The following NALCN variants were observed in gnomAD, a reference collection of about 807,000 sequenced individuals.
NALCN encodes sodium leak channel NALCN.
NALCN carries 111 observed loss-of-function variants against 225.3 expected under a neutral mutation model. That is an observed-to-expected ratio of 0.49 (90% CI 0.42 to 0.58). The LOEUF (loss-of-function observed/expected upper bound fraction) is 0.58. NALCN is among the 20% of genes least tolerant of loss of function. NALCN has a pLI of 0.00. For synonymous variants in NALCN, 764 were observed against 769.0 expected, an observed-to-expected ratio of 0.99 and a Z score of 0.11; for missense variants, 1,378 against 2,202.4, an observed-to-expected ratio of 0.63 and a Z score of 7.49.
intron 13 of NALCN, among the ~76,000 whole-genome samples, chr13:101,228,515 G>T (rs964554055): frequency 5.9e-5 from 9 of 152,208 alleles, no homozygotes; most frequent in African/African-American, 2.2e-4. Flanking sequence ...TAAGTCTCAC[G>T]AGATCTGATG....
intron 1 of NALCN, among the ~76,000 whole-genome samples, chr13:101,412,622 T>G (rs9518389): frequency 0.21 from 32,018 of 152,154 alleles, 4,076 homozygotes; most frequent in Non-Finnish European, 0.29. Flanking sequence ...TCTTCCAGGG[T>G]CTCTCTTCCG....
chr13:101,070,529 C>T (rs1248624284), intron 37 of NALCN, among the ~76,000 whole-genome samples: 3 of 152,174 alleles, frequency 2.0e-5, no homozygotes, highest in Non-Finnish European at 4.4e-5. Context: ...CTTCTTGATC[C>T]ATGGACAGAA....
At chr13:101,369,505 T>G (rs1371153337) in intron 6 of NALCN, among the ~76,000 whole-genome samples, 1 of 152,208 alleles carries the variant, frequency 6.6e-6, no homozygotes, top group African/African-American at 2.4e-5. Context: ...TCTCAATTTC[T>G]GCGATCATTT....
intron 6 of NALCN, among the ~76,000 whole-genome samples, chr13:101,346,691 A>T (rs1594717850): frequency 6.6e-6 from 1 of 152,164 alleles, no homozygotes; most frequent in South Asian, 2.1e-4. Context: ...ACTTGATATA[A>T]AGGATTTAGA....
At chr13:101,222,072 A>C (rs2040961795) in intron 13 of NALCN, among the ~76,000 whole-genome samples, 1 of 152,136 alleles carries the variant, frequency 6.6e-6, no homozygotes, top group Non-Finnish European at 1.5e-5. Context: ...ATATTTACAC[A>C]GTTCTCATAA....
intron 27 of NALCN, 46 bp from the exon 28 acceptor site, chr13:101,095,726 G>C (rs763228127): frequency 6.8e-7 from 1 of 1,461,106 alleles, no homozygotes; most frequent in Non-Finnish European, 9.5e-7. Flanking sequence ...GTCAGAAAAT[G>C]AACTCAGAAA....
intron 10 of NALCN, among the ~76,000 whole-genome samples, chr13:101,264,494 G>A (rs1220176207): frequency 6.6e-6 from 1 of 151,862 alleles, no homozygotes; most frequent in Non-Finnish European, 1.5e-5. Flanking sequence ...CTCAAAGTGT[G>A]GTCCCTGGAC....
chr13:101,113,804 A>C (rs1015461536), intron 18 of NALCN, among the ~76,000 whole-genome samples: 1 of 152,230 alleles, frequency 6.6e-6, no homozygotes, highest in African/African-American at 2.4e-5. Flanking sequence ...ACAGTATGTT[A>C]TTAACCAAGC....
intron 7 of NALCN, among the ~76,000 whole-genome samples, chr13:101,309,669 A>G (rs2044272193): frequency 6.6e-6 from 1 of 152,186 alleles, no homozygotes; most frequent in South Asian, 2.1e-4. Flanking sequence ...TGATCATTTT[A>G]CTTTATGGAA....
chr13:101,075,818 T>A (rs1045091153), intron 35 of NALCN, 55 bp downstream of exon 35: 13 of 1,444,780 alleles, frequency 9.0e-6, no homozygotes, highest in Middle Eastern at 2.0e-4. Context: ...TAATCACCAT[T>A]CTTTCATTAA....
intron 14 of NALCN, among the ~76,000 whole-genome samples, chr13:101,184,463 C>A (rs2039368641): frequency 6.6e-6 from 1 of 152,160 alleles, no homozygotes; most frequent in African/African-American, 2.4e-5. Flanking sequence ...AGATTCACCT[C>A]AGTTAATGCT....
At chr13:101,178,508 A>G (rs2039057006) in intron 14 of NALCN, among the ~76,000 whole-genome samples, 2 of 152,180 alleles carry the variant, frequency 1.3e-5, no homozygotes, top group Admixed American at 1.3e-4. Flanking sequence ...CTACAACCTA[A>G]AAGAATGTTT....
intron 22 of NALCN, among the ~76,000 whole-genome samples, 175 bp downstream of exon 22, chr13:101,107,312 G>A (rs552314035): frequency 1.2e-4 from 19 of 152,302 alleles, no homozygotes; most frequent in Middle Eastern, 3.4e-3. Flanking sequence ...AACTACTTGC[G>A]ACCTTTGTTT....
At position 101,100,877 on chromosome 13, in the gene NALCN, A is replaced by G. The variant is rs2034772475; in HGVS notation, c.3069T>C (p.Leu1023=). ...GFKEIFLVSI[L]LLTLMLVFAS... is the part of the protein sequence containing the mutation. The stretch of plus-strand genomic sequence containing the variant: ...CAAAAACGAGCATTAATGTCAGCAA[A>G]AGAATGGAGACCTGAAAGAAATTGA... The change falls in exon 27 of 44, where the codon CTT becomes CTC. Residue 1023 remains leucine, a synonymous_variant. Transcript: ENST00000251127. 6.2e-7 allele frequency: 1 copy of G among 1,605,986 alleles called. No individual in the cohort carries two copies. The highest frequency in any genetic ancestry group is 1.3e-5 in the African/African-American group (1 of 74,492).
intron 14 of NALCN, among the ~76,000 whole-genome samples, chr13:101,190,734 A>G (rs558146263): frequency 7.9e-4 from 120 of 152,350 alleles, no homozygotes; most frequent in African/African-American, 2.8e-3. Flanking sequence ...CTAGTTTATC[A>G]AGGACTTATT....
intron 1 of NALCN, among the ~76,000 whole-genome samples, chr13:101,407,211 A>G (rs891646560): frequency 1.3e-5 from 2 of 152,198 alleles, no homozygotes; most frequent in Non-Finnish European, 2.9e-5. Flanking sequence ...TCAAGAGGTG[A>G]CTGTTTATTT....
chr13:101,162,071 G>C (rs2038212909), intron 15 of NALCN, among the ~76,000 whole-genome samples: 1 of 152,116 alleles, frequency 6.6e-6, no homozygotes, highest in African/African-American at 2.4e-5. Context: ...CCTCCGTGAA[G>C]TCCACAAGGC....
chr13:101,079,070 A>G lies in NALCN; in HGVS notation c.3885+2457T>C, dbSNP rs148251564. Among the ~76,000 whole-genome samples the G allele has an allele frequency of 1.2e-4, 19 of 152,262 alleles. No individual in the cohort carries two copies. The East Asian group carries it at 3.7e-3, about 29-fold the overall frequency. On this transcript the variant is annotated intron_variant, in intron 34 of 43. Transcript: ENST00000251127. ...GGATGTGTTTGCTTCCCTTTCCACC[A>G]TGATTGTAAGTTGCCTGGGGCCTTC... is the stretch of plus-strand genomic sequence containing the variant.
intron 15 of NALCN, among the ~76,000 whole-genome samples, chr13:101,164,105 T>A (rs1477272965): frequency 6.6e-6 from 1 of 152,170 alleles, no homozygotes; most frequent in Non-Finnish European, 1.5e-5. Context: ...AAGACCCTAT[T>A]TCCAATCAAG....
Sources: allele counts gnomAD v4.1 joint callset (sites outside exome capture counted in the v4.1 genomes callset), GRCh38; gene constraint gnomAD v4.1.1; transcripts MANE v1.5; gene names NCBI Gene and HGNC (gene_info 2026-07-23, HGNC 2026-07-21).